C1QTNF3: variants seen among roughly 807,000 people sequenced by gnomAD.
C1QTNF3 encodes the protein complement C1q tumor necrosis factor-related protein 3.
In C1QTNF3, 26 loss-of-function variants were observed where a neutral mutation model predicts 32.6. The ratio of observed to expected loss-of-function variants is 0.80; its 90% CI spans 0.58 to 1.11. The LOEUF (loss-of-function observed/expected upper bound fraction) is 1.11, where lower values mean the gene tolerates loss of function less well. C1QTNF3 is among the 50% of genes least tolerant of loss of function. The pLI, the probability that C1QTNF3 is intolerant of heterozygous loss-of-function variation, is 0.00. For synonymous variants in C1QTNF3, 155 were observed against 146.0 expected (o/e 1.06, Z -0.44); for missense variants, 362 against 398.2 (o/e 0.91, Z 0.77).
chr5:34,039,007 T>C (rs1021917116), intron 1 of C1QTNF3, among the ~76,000 whole-genome samples: 5 of 152,120 alleles, frequency 3.3e-5, no homozygotes, highest in African/African-American at 1.2e-4. Flanking sequence ...AGCTTCCCAA[T>C]AAGATCTCAG....
At chr5:34,098,554 T>C in the C1QTNF3 span, among the ~76,000 whole-genome samples, 1 of 151,964 alleles carries the variant, frequency 6.6e-6, no homozygotes, top group South Asian at 2.1e-4. Flanking sequence ...ATCACCACTG[T>C]TACTTTTGTC....
rs772597219 is a variant in C1QTNF3, at chr5:34,042,993, G to A, written c.133C>T (p.Gln45Ter). The change falls in exon 1 of 6, where the codon CAG becomes TAG. Residue 45 changes from glutamine (Q) to a stop codon, truncating the protein, a stop_gained. Coordinates refer to ENST00000382065, the MANE Select transcript of C1QTNF3 (RefSeq NM_181435.6). LOFTEE classifies it high-confidence loss of function. ...KVVARIVQSH[Q>*]QTGRSGSRRE... ...CTGGAGCCGCTACGGCCAGTCTGCT[G>A]GTGGCTTTGCACTATTCTTGCCACC... is the stretch of plus-strand genomic sequence containing the variant. 1.9e-6 allele frequency: 3 copies of A among 1,614,188 alleles called. No homozygotes were observed. The highest frequency in any genetic ancestry group is 1.1e-5 in the South Asian group (1 of 91,088).
At chr5:34,167,548 C>T in the C1QTNF3 span, 2 of 152,166 alleles carry the variant, frequency 1.3e-5, no homozygotes, top group African/African-American at 2.4e-5. Context: ...ACCATTGTTC[C>T]CGTCATGCAG....
the C1QTNF3 span, among the ~76,000 whole-genome samples, chr5:34,174,849 C>T: frequency 6.6e-6 from 1 of 152,030 alleles, no homozygotes. Flanking sequence ...ATGCCATTTC[C>T]TGCCTCAGCC....
chr5:34,103,015 C>T, the C1QTNF3 span, among the ~76,000 whole-genome samples: 1 of 152,146 alleles, frequency 6.6e-6, no homozygotes, highest in African/African-American at 2.4e-5. Context: ...AACATACTCT[C>T]TCAATGTTCT....
At chr5:34,209,014 T>G in the C1QTNF3 span, among the ~76,000 whole-genome samples, 4 of 152,202 alleles carry the variant, frequency 2.6e-5, no homozygotes, top group Non-Finnish European at 5.9e-5. Context: ...GCTATTCACA[T>G]CCGGTAAGTT....
At chr5:34,081,529 G>C in the C1QTNF3 span, among the ~76,000 whole-genome samples, 1 of 150,786 alleles carries the variant, frequency 6.6e-6, no homozygotes, top group Non-Finnish European at 1.5e-5. Flanking sequence ...TTTATTTTTT[G>C]GCAACAAAAA....
At chr5:34,235,050 T>A in the C1QTNF3 span, among the ~76,000 whole-genome samples, 2 of 152,124 alleles carry the variant, frequency 1.3e-5, no homozygotes, top group South Asian at 2.1e-4. Flanking sequence ...TTTTTTCTCC[T>A]CCCCAACACA....
chr5:34,176,573 C>A, the C1QTNF3 span, among the ~76,000 whole-genome samples: 2 of 152,148 alleles, frequency 1.3e-5, no homozygotes, highest in Non-Finnish European at 2.9e-5. Flanking sequence ...TAAGGCTGAA[C>A]TACACTAGAA....
chr5:34,225,778 A>G, the C1QTNF3 span, among the ~76,000 whole-genome samples: 2 of 151,832 alleles, frequency 1.3e-5, no homozygotes, highest in Non-Finnish European at 2.9e-5. Flanking sequence ...CCCTATCTTT[A>G]TGGTGACAAA....
chr5:34,033,985 G>A (rs1012693082), intron 2 of C1QTNF3, among the ~76,000 whole-genome samples: 2 of 152,206 alleles, frequency 1.3e-5, no homozygotes, highest in Non-Finnish European at 2.9e-5. Flanking sequence ...AATATGGTGA[G>A]ATCCCATCTT....
At chr5:34,051,331 A>G in the C1QTNF3 span, among the ~76,000 whole-genome samples, 1 of 152,200 alleles carries the variant, frequency 6.6e-6, no homozygotes, top group African/African-American at 2.4e-5. Flanking sequence ...AGGTGGTTCA[A>G]CATTGTCTTT....
the C1QTNF3 span, among the ~76,000 whole-genome samples, chr5:34,082,568 G>A: frequency 4.0e-5 from 6 of 151,736 alleles, no homozygotes; most frequent in South Asian, 1.0e-3. Context: ...TCTGACTATT[G>A]AATCGATACG....
the C1QTNF3 span, among the ~76,000 whole-genome samples, chr5:34,183,288 C>T: frequency 6.6e-6 from 1 of 151,920 alleles, no homozygotes; most frequent in African/African-American, 2.4e-5. Context: ...TGAACCAATG[C>T]GCCCGGCCCG....
the C1QTNF3 span, among the ~76,000 whole-genome samples, chr5:34,221,495 T>C: frequency 6.6e-6 from 1 of 152,062 alleles, no homozygotes; most frequent in Non-Finnish European, 1.5e-5. Context: ...GAGTGACACA[T>C]AGTTCTGAAT....
chr5:34,135,392 C>T, the C1QTNF3 span, among the ~76,000 whole-genome samples: 16 of 151,288 alleles, frequency 1.1e-4, no homozygotes, highest in South Asian at 8.3e-4. Context: ...TTTTTTTTTG[C>T]GTCTCTGCCA....
chr5:34,083,177 T>C, the C1QTNF3 span, among the ~76,000 whole-genome samples: 4 of 150,852 alleles, frequency 2.7e-5, no homozygotes, highest in Non-Finnish European at 4.4e-5. Context: ...TATAAAAGAG[T>C]GGATCTCCAA....
the C1QTNF3 span, among the ~76,000 whole-genome samples, chr5:34,240,464 A>C: frequency 1.3e-5 from 2 of 151,216 alleles, no homozygotes; most frequent in African/African-American, 4.9e-5. Flanking sequence ...CAGACATACA[A>C]AATAATCCTC....
the C1QTNF3 span, among the ~76,000 whole-genome samples, chr5:34,118,201 G>A: frequency 3.9e-5 from 6 of 151,944 alleles, no homozygotes; most frequent in Middle Eastern, 6.8e-3. Context: ...TGCCTCATCC[G>A]CTCGAGTAGC....
Sources: allele counts gnomAD v4.1 joint callset (sites outside exome capture counted in the v4.1 genomes callset), GRCh38; gene constraint gnomAD v4.1.1; transcripts MANE v1.5; gene names NCBI Gene and HGNC (gene_info 2026-07-23, HGNC 2026-07-21).